AKAP6: variants seen among roughly 807,000 people sequenced by gnomAD.
The protein encoded by AKAP6 is A-kinase anchor protein 6.
Under a neutral mutation model 188.5 loss-of-function variants are expected in AKAP6, and 58 were observed. That is an observed-to-expected ratio of 0.31 (90% CI 0.25 to 0.38). The LOEUF is 0.38. Among genes scored for constraint, AKAP6 ranks in the 10% least tolerant of loss-of-function variants. The probability of loss-of-function intolerance (pLI) is 1.00; values close to 1 mark genes in which losing one functional copy is unlikely to be tolerated. For missense variants in AKAP6, 2,710 were observed against 2,740.0 expected (o/e 0.99, Z 0.24); for synonymous variants, 989 against 998.6 (o/e 0.99, Z 0.18).
intron 4 of AKAP6, among the ~76,000 whole-genome samples, chr14:32,563,893 A>C (rs566998416): frequency 1.3e-5 from 2 of 152,310 alleles, no homozygotes; most frequent in East Asian, 3.9e-4. Flanking sequence ...CTAATTTATA[A>C]TTTTGTCACA....
At chr14:32,601,956 T>C (rs1047151368) in intron 7 of AKAP6, among the ~76,000 whole-genome samples, 2 of 152,182 alleles carry the variant, frequency 1.3e-5, no homozygotes, top group African/African-American at 4.8e-5. Flanking sequence ...AATGATGAGC[T>C]CAGTTTCACT....
intron 2 of AKAP6, among the ~76,000 whole-genome samples, chr14:32,498,961 C>T (rs372026180): frequency 4.2e-4 from 63 of 150,794 alleles, no homozygotes; most frequent in African/African-American, 1.5e-3. Context: ...TGGTCCATGT[C>T]TGGGGTTTTA....
intron 4 of AKAP6, among the ~76,000 whole-genome samples, chr14:32,557,727 C>T (rs1328809235): frequency 6.6e-6 from 1 of 152,146 alleles, no homozygotes; most frequent in Admixed American, 6.5e-5. Context: ...TTTGCATGTG[C>T]CTTTCCCTTA....
chr14:32,669,932 A>G (rs1339177120), intron 7 of AKAP6, among the ~76,000 whole-genome samples: 2 of 152,054 alleles, frequency 1.3e-5, no homozygotes, highest in East Asian at 1.9e-4. Context: ...TCCTGTCTCT[A>G]TTAAAAATAC....
chr14:32,600,489 T>G, intron 6 of AKAP6, 140 bp from the exon 7 acceptor site: 2 of 949,148 alleles, frequency 2.1e-6, no homozygotes, highest in South Asian at 4.6e-5. Context: ...GAGTGACAAA[T>G]GCTGATATGG....
chr14:32,759,064 G>A (rs1284754992), intron 11 of AKAP6, among the ~76,000 whole-genome samples: 1 of 152,124 alleles, frequency 6.6e-6, no homozygotes, highest in African/African-American at 2.4e-5. Context: ...ACCTCTCAGA[G>A]AGGGCGGAGA....
intron 7 of AKAP6, among the ~76,000 whole-genome samples, chr14:32,660,877 A>T (rs1181505468): frequency 6.6e-6 from 1 of 151,004 alleles, no homozygotes; most frequent in African/African-American, 2.4e-5. Context: ...GATAAAATTT[A>T]AAAAGCTTTT....
chr14:32,633,225 G>C (rs1315510318), intron 7 of AKAP6, among the ~76,000 whole-genome samples: 8 of 152,032 alleles, frequency 5.3e-5, no homozygotes, highest in African/African-American at 1.9e-4. Context: ...ACAGCATAAG[G>C]CTTTTACATC....
Position 32,835,368 on chromosome 14 carries a change from T to G in AKAP6, c.*5563T>G, listed in dbSNP as rs899107376. ...CTTAAAGATTGTTTCACATCCACAG[T>G]TTGTTTAAGGATTTAAATTTAGTTC... is the stretch of plus-strand genomic sequence containing the variant. On this transcript the variant is annotated 3_prime_UTR_variant, in exon 14 of 14. Transcript: ENST00000280979. 1 of 152,178 alleles carries G rather than the reference T, an allele frequency of 6.6e-6. No homozygotes were observed. Among genetic ancestry groups the G allele is most frequent in the Non-Finnish European group, 1.5e-5 (1 of 68,026 alleles). The allele number at this position is 152,178 out of a possible 1,614,324, so 9.4% of individuals were successfully genotyped here. A position where few individuals can be genotyped will look rare whatever the true frequency, so the allele number is the denominator to read the frequency against.
intron 12 of AKAP6, among the ~76,000 whole-genome samples, chr14:32,794,150 T>C (rs1175518590): frequency 6.6e-6 from 1 of 152,102 alleles, no homozygotes; most frequent in African/African-American, 2.4e-5. Flanking sequence ...TAACAAACAG[T>C]CTATCAGACC....
intron 8 of AKAP6, among the ~76,000 whole-genome samples, chr14:32,690,967 A>G (rs1008163408): frequency 3.3e-5 from 5 of 152,222 alleles, no homozygotes; most frequent in Non-Finnish European, 7.4e-5. Context: ...TAACACTTTC[A>G]TAGAAAATGT....
intron 2 of AKAP6, among the ~76,000 whole-genome samples, chr14:32,481,099 C>T (rs1879317853): frequency 6.6e-6 from 1 of 151,934 alleles, no homozygotes; most frequent in Non-Finnish European, 1.5e-5. Context: ...ATTATGTAGC[C>T]AACTCTCTTA....
At chr14:32,725,707 G>A (rs2030836533) in intron 9 of AKAP6, among the ~76,000 whole-genome samples, 1 of 151,946 alleles carries the variant, frequency 6.6e-6, no homozygotes, top group South Asian at 2.1e-4. Flanking sequence ...GTGTAGTGTT[G>A]GAAATGTAGC....
In AKAP6 at chr14:32,564,524, G is replaced by C. The variant is rs1444742016; in HGVS notation, c.2347-12596G>C. Among the ~76,000 whole-genome samples, 5 of 152,178 alleles carry C rather than the reference G, an allele frequency of 3.3e-5. 1 individual carries two copies. Among genetic ancestry groups the C allele is most frequent in the Non-Finnish European group, 7.3e-5 (5 of 68,028 alleles). On this transcript the variant is annotated intron_variant, in intron 4 of 13. Coordinates refer to ENST00000280979, the MANE Select transcript of AKAP6 (RefSeq NM_004274.5). Reference sequence around the variant, plus strand: ...ATGATTTGTTGGGAGAGGAGCATTTGAGCTTGATCTTGAAGGATAGATATA... The same window carrying C: ...ATGATTTGTTGGGAGAGGAGCATTTCAGCTTGATCTTGAAGGATAGATATA...
At chr14:32,534,278 A>C (rs1594718321) in intron 2 of AKAP6, among the ~76,000 whole-genome samples, 1 of 152,182 alleles carries the variant, frequency 6.6e-6, no homozygotes, top group East Asian at 1.9e-4. Context: ...AAAAATCATA[A>C]ATAAAAGCTC....
At chr14:32,523,762 T>TGGC (rs922694424) in intron 2 of AKAP6, among the ~76,000 whole-genome samples, 8 of 141,670 alleles carry the variant, frequency 5.6e-5, no homozygotes, top group African/African-American at 2.1e-4. Context: ...CCACCATGCC[T>TGGC]GGCCATGAAG....
chr14:32,332,306 C>T (rs1010254407), intron 1 of AKAP6, among the ~76,000 whole-genome samples: 3 of 152,074 alleles, frequency 2.0e-5, no homozygotes, highest in African/African-American at 7.2e-5. Context: ...TACTCTATCA[C>T]ACGTACCCCA....
chr14:32,385,189 G>C (rs1594564287), intron 1 of AKAP6: 1 of 150,736 alleles, frequency 6.6e-6, no homozygotes, highest in African/African-American at 2.4e-5. Context: ...TTTTTAGAGA[G>C]AAAAGCCGCA....
intron 2 of AKAP6, among the ~76,000 whole-genome samples, chr14:32,493,094 G>A (rs7149108): frequency 0.091 from 13,924 of 152,210 alleles, 1,859 homozygotes; most frequent in African/African-American, 0.3. Flanking sequence ...AACTATGTTT[G>A]AAAGGCTTTT....
Sources: gnomAD v4.1 joint callset for allele counts (sites outside exome capture counted in the v4.1 genomes callset) on GRCh38, gnomAD v4.1.1 for gene constraint, MANE v1.5 for transcripts, NCBI Gene and HGNC (gene_info 2026-07-23, HGNC 2026-07-21) for gene names.